Variants in CAMK1D observed in about 807,000 individuals in gnomAD.
CAMK1D encodes the protein calcium/calmodulin dependent protein kinase ID.
In CAMK1D, 9 loss-of-function variants were observed where a neutral mutation model predicts 47.7. That is an observed-to-expected ratio of 0.19 (90% confidence interval 0.11 to 0.33). The LOEUF (loss-of-function observed/expected upper bound fraction) is 0.33, where lower values mean the gene tolerates loss of function less well. Among genes scored for constraint, CAMK1D ranks in the 10% least tolerant of loss-of-function variants. The pLI is 1.00. For synonymous variants in CAMK1D, 184 were observed against 184.9 expected (o/e 0.99, Z 0.04); for missense variants, 291 against 488.7 (o/e 0.60, Z 3.81).
At chr10:12,476,642 G>T (rs1414374230) in intron 1 of CAMK1D, among the ~76,000 whole-genome samples, 1 of 152,130 alleles carries the variant, frequency 6.6e-6, no homozygotes, top group African/African-American at 2.4e-5. Context: ...AGTGGGGAGG[G>T]TCATATGTTC....
chr10:12,543,497 G>GGGCTT (rs759154301), intron 1 of CAMK1D, among the ~76,000 whole-genome samples: 47 of 152,222 alleles, frequency 3.1e-4, no homozygotes, highest in Admixed American at 2.0e-3. Context: ...GTGTATCTCT[G>GGGCTT]GGCTTGGCTT....
intron 1 of CAMK1D, among the ~76,000 whole-genome samples, chr10:12,413,737 A>C (rs1420567910): frequency 6.6e-6 from 1 of 152,162 alleles, no homozygotes; most frequent in Non-Finnish European, 1.5e-5. Context: ...TTCCATTGTC[A>C]TGCCATATAT....
At position 12,575,353 on chromosome 10, in the gene CAMK1D, G is replaced by A. The variant is rs1032548694; in HGVS notation, c.224+21997G>A. On this transcript the variant is annotated intron_variant, in intron 2 of 10. Transcript: ENST00000619168. Reference sequence around the variant, plus strand: ...TGATCCACCCGCCTTGGCCTCCTAAGGTGCTGGGATTACAGGTGTGAGCCA... The same window carrying A: ...TGATCCACCCGCCTTGGCCTCCTAAAGTGCTGGGATTACAGGTGTGAGCCA... Among the ~76,000 whole-genome samples, 16 of 152,196 alleles carry A rather than the reference G, an allele frequency of 1.1e-4. 1 individual carries two copies. Among genetic ancestry groups the A allele is most frequent in the Admixed American group, 7.8e-4 (12 of 15,294 alleles).
chr10:12,536,840 C>T (rs1312197327), intron 1 of CAMK1D, among the ~76,000 whole-genome samples: 1 of 152,108 alleles, frequency 6.6e-6, no homozygotes, highest in African/African-American at 2.4e-5. Context: ...GCATGTAGAT[C>T]TCATCAGTTA....
At chr10:12,756,277 G>A (rs1469464230) in intron 3 of CAMK1D, among the ~76,000 whole-genome samples, 2 of 152,170 alleles carry the variant, frequency 1.3e-5, no homozygotes, top group Non-Finnish European at 2.9e-5. Context: ...GCAGTAAATT[G>A]TAAGATAACA....
rs112347508 is a variant in CAMK1D, at chr10:12,630,388, T to TTAA, written c.225-36348_225-36347insTAA. Among the ~76,000 whole-genome samples, 270 of 142,314 alleles carry TTAA rather than the reference T, an allele frequency of 1.9e-3. 1 individual carries two copies. Among genetic ancestry groups the TTAA allele is most frequent in the South Asian group, 4.7e-3 (21 of 4,452 alleles). The allele number at this position is 142,314 out of a possible 152,430, so 93.4% of individuals were successfully genotyped here. On this transcript the variant is annotated intron_variant, in intron 2 of 10. Coordinates refer to ENST00000619168, the MANE Select transcript of CAMK1D (RefSeq NM_153498.4). ...CTTTTTCTTTCTTTTTTTTTTTTTTTAAAAAAAAGACAGGATCTCACTCAG... is the reference window on the plus strand; with the variant it reads ...CTTTTTCTTTCTTTTTTTTTTTTTTTTAAAAAAAAAAGACAGGATCTCACTCAG...
intron 2 of CAMK1D, among the ~76,000 whole-genome samples, chr10:12,649,979 C>A (rs1238331975): frequency 6.6e-6 from 1 of 152,246 alleles, no homozygotes; most frequent in East Asian, 1.9e-4. Flanking sequence ...TGTTCAACTT[C>A]AGCATCTCTG....
At chr10:12,708,282 G>T (rs1360188277) in intron 3 of CAMK1D, among the ~76,000 whole-genome samples, 1 of 151,954 alleles carries the variant, frequency 6.6e-6, no homozygotes, top group African/African-American at 2.4e-5. Flanking sequence ...TAAAGTCCCA[G>T]TGGCGACTGA....
At chr10:12,698,318 T>G (rs2130709555) in intron 3 of CAMK1D, among the ~76,000 whole-genome samples, 1 of 152,316 alleles carries the variant, frequency 6.6e-6, no homozygotes, top group Middle Eastern at 3.4e-3. Flanking sequence ...ACCGAACCAT[T>G]GCTTCTAGGG....
At chr10:12,614,680 C>T (rs755862195) in intron 2 of CAMK1D, among the ~76,000 whole-genome samples, 1 of 152,114 alleles carries the variant, frequency 6.6e-6, no homozygotes, top group South Asian at 2.1e-4. Flanking sequence ...GTTGAGAGGC[C>T]TTGATAAGCC....
chr10:12,582,004 G>A (rs917493016), intron 2 of CAMK1D, among the ~76,000 whole-genome samples: 9 of 152,078 alleles, frequency 5.9e-5, no homozygotes, highest in African/African-American at 2.2e-4. Context: ...TTATTTTCTA[G>A]AATTTTTATG....
At chr10:12,411,394 T>C (rs1287623758) in intron 1 of CAMK1D, among the ~76,000 whole-genome samples, 2 of 152,140 alleles carry the variant, frequency 1.3e-5, no homozygotes, top group South Asian at 2.1e-4. Context: ...ACTGTGCAGG[T>C]TCCTGTGGCC....
intron 1 of CAMK1D, among the ~76,000 whole-genome samples, chr10:12,392,159 G>A (rs925014677): frequency 6.6e-6 from 1 of 151,928 alleles, no homozygotes; most frequent in East Asian, 1.9e-4. Context: ...AAAATTAGCC[G>A]GGTGCAGTGG....
At chr10:12,388,942 G>A (rs1838620553) in intron 1 of CAMK1D, among the ~76,000 whole-genome samples, 1 of 152,196 alleles carries the variant, frequency 6.6e-6, no homozygotes, top group South Asian at 2.1e-4. Context: ...TAAAGGCGTG[G>A]CTTGCGATTT....
At chr10:12,638,209 G>T (rs1305697535) in intron 2 of CAMK1D, among the ~76,000 whole-genome samples, 2 of 152,142 alleles carry the variant, frequency 1.3e-5, no homozygotes, top group African/African-American at 4.8e-5. Context: ...AGATGTTTCT[G>T]TTTGCCTCGT....
chr10:12,575,728 C>T (rs895821908), intron 2 of CAMK1D, among the ~76,000 whole-genome samples: 3 of 152,154 alleles, frequency 2.0e-5, no homozygotes, highest in African/African-American at 7.2e-5. Context: ...TCCCAGGGAC[C>T]CGTGGACCCC....
intron 3 of CAMK1D, among the ~76,000 whole-genome samples, chr10:12,714,326 G>A (rs1186049193): frequency 6.6e-6 from 1 of 152,114 alleles, no homozygotes; most frequent in Non-Finnish European, 1.5e-5. Flanking sequence ...GTGCAAAATG[G>A]AACAGTACAC....
chr10:12,713,469 C>T (rs1834010060), intron 3 of CAMK1D, among the ~76,000 whole-genome samples: 1 of 152,160 alleles, frequency 6.6e-6, no homozygotes, highest in African/African-American at 2.4e-5. Context: ...ACAGCAATGA[C>T]ATTTGAGGCC....
chr10:12,592,346 G>C (rs975337933), intron 2 of CAMK1D, among the ~76,000 whole-genome samples: 6 of 152,184 alleles, frequency 3.9e-5, no homozygotes, highest in Non-Finnish European at 7.3e-5. Context: ...TAGATAGAAA[G>C]TCTGAAATCA....
Sources: gnomAD v4.1 joint callset for allele counts (sites outside exome capture counted in the v4.1 genomes callset) on GRCh38, gnomAD v4.1.1 for gene constraint, MANE v1.5 for transcripts, NCBI Gene and HGNC (gene_info 2026-07-23, HGNC 2026-07-21) for gene names.